PLCB4: variants seen among roughly 807,000 people sequenced by gnomAD.
PLCB4 encodes the protein 1-phosphatidylinositol 4,5-bisphosphate phosphodiesterase beta-4.
A neutral mutation model predicts 178.8 loss-of-function variants in PLCB4; 77 were observed. The ratio of observed to expected loss-of-function variants is 0.43; its 90% CI spans 0.36 to 0.52. The LOEUF is 0.52. Among genes scored for constraint, PLCB4 ranks in the 20% least tolerant of loss-of-function variants. PLCB4 has a pLI of 0.00. For missense variants in PLCB4, 1,024 were observed against 1,453.4 expected, an observed-to-expected ratio of 0.70 and a Z score of 4.80; for synonymous variants, 496 against 490.8, an observed-to-expected ratio of 1.01 and a Z score of -0.14.
At chr20:9,372,170 C>A in intron 10 of PLCB4, 133 bp from the exon 11 acceptor site, 1 of 587,828 alleles carries the variant, frequency 1.7e-6, no homozygotes, top group Non-Finnish European at 3.1e-6. Flanking sequence ...GGCCTCCTGG[C>A]TTCTGTCAGC....
At chr20:9,239,452 T>C (rs1601376626) in intron 3 of PLCB4, among the ~76,000 whole-genome samples, 1 of 152,260 alleles carries the variant, frequency 6.6e-6, no homozygotes, top group East Asian at 1.9e-4. Flanking sequence ...CAAAGACAGA[T>C]TAGCAAGAGA....
chr20:9,090,171 G>A (rs932598807), intron 1 of PLCB4, among the ~76,000 whole-genome samples: 19 of 151,556 alleles, frequency 1.3e-4, no homozygotes, highest in Non-Finnish European at 2.5e-4. Flanking sequence ...AAAAATAACT[G>A]TATAGGAGAA....
At chr20:9,079,231 G>A (rs2090026843) in intron 1 of PLCB4, among the ~76,000 whole-genome samples, 1 of 152,196 alleles carries the variant, frequency 6.6e-6, no homozygotes, top group Non-Finnish European at 1.5e-5. Context: ...TCAGGGCCCT[G>A]CTGGGGAACA....
intron 7 of PLCB4, among the ~76,000 whole-genome samples, chr20:9,358,143 A>C (rs1474730512): frequency 6.6e-6 from 1 of 152,246 alleles, no homozygotes; most frequent in Non-Finnish European, 1.5e-5. Flanking sequence ...GGGAAGGCTG[A>C]TTAAAACGTG....
At chr20:9,365,356 A>G in intron 8 of PLCB4, 105 bp from the exon 9 acceptor site, 1 of 700,838 alleles carries the variant, frequency 1.4e-6, no homozygotes. Flanking sequence ...GATTTTCAGA[A>G]CCAATGTTCT....
At chr20:9,377,365 T>C (rs1355028709) in intron 12 of PLCB4, among the ~76,000 whole-genome samples, 1 of 152,182 alleles carries the variant, frequency 6.6e-6, no homozygotes, top group Admixed American at 6.5e-5. Flanking sequence ...CTCACTGTGC[T>C]TGTGTCTCTG....
At chr20:9,421,653 C>T (rs746818875) in intron 27 of PLCB4, among the ~76,000 whole-genome samples, 192 bp downstream of exon 27, 1 of 152,156 alleles carries the variant, frequency 6.6e-6, no homozygotes, top group Non-Finnish European at 1.5e-5. Context: ...TGGTTCTCCT[C>T]TCCTCCTTGG....
chr20:9,397,243 C>A (rs2038663853), intron 19 of PLCB4, among the ~76,000 whole-genome samples: 1 of 152,200 alleles, frequency 6.6e-6, no homozygotes, highest in South Asian at 2.1e-4. Context: ...TCACAAGAAA[C>A]AACTCCTCAT....
At chr20:9,098,340 A>C (rs553245982) in intron 2 of PLCB4, among the ~76,000 whole-genome samples, 1 of 152,300 alleles carries the variant, frequency 6.6e-6, no homozygotes, top group Non-Finnish European at 1.5e-5. Context: ...ACTGCAGCAT[A>C]AATCATCTGC....
chr20:9,387,619 A>G, intron 15 of PLCB4, 63 bp downstream of exon 15: 1 of 718,370 alleles, frequency 1.4e-6, no homozygotes, highest in Non-Finnish European at 2.4e-6. Flanking sequence ...AAATAGGGAG[A>G]TGGAGAAGAG....
chr20:9,308,094 G>A (rs190085659), intron 4 of PLCB4, among the ~76,000 whole-genome samples, 196 bp downstream of exon 4: 1 of 152,116 alleles, frequency 6.6e-6, no homozygotes, highest in African/African-American at 2.4e-5. Flanking sequence ...CGCTCACTAT[G>A]TGCCAGATGA....
chr20:9,432,408 T>C (rs2041483937), intron 28 of PLCB4, among the ~76,000 whole-genome samples: 1 of 152,226 alleles, frequency 6.6e-6, no homozygotes, highest in Non-Finnish European at 1.5e-5. Flanking sequence ...GATTATATGT[T>C]ATTAAAAATT....
At chr20:9,360,343 G>A (rs2035213140) in intron 7 of PLCB4, among the ~76,000 whole-genome samples, 1 of 152,132 alleles carries the variant, frequency 6.6e-6, no homozygotes, top group Admixed American at 6.6e-5. Context: ...CCTTGCCAGC[G>A]TTGTATGTTC....
intron 12 of PLCB4, among the ~76,000 whole-genome samples, chr20:9,374,515 A>G (rs2036513153): frequency 2.0e-5 from 3 of 151,986 alleles, no homozygotes; most frequent in Non-Finnish European, 4.4e-5. Flanking sequence ...TTCAGTGATC[A>G]TCTTAGGTTT....
chr20:9,072,440 A>G (rs888253143), intron 1 of PLCB4, among the ~76,000 whole-genome samples: 1 of 151,996 alleles, frequency 6.6e-6, no homozygotes, highest in African/African-American at 2.4e-5. Flanking sequence ...AAGGTTTTAC[A>G]TGTTCCTAGG....
chr20:9,128,370 T>C (rs1294653684), intron 2 of PLCB4, among the ~76,000 whole-genome samples: 1 of 152,186 alleles, frequency 6.6e-6, no homozygotes, highest in Non-Finnish European at 1.5e-5. Context: ...ACTTCAGGCA[T>C]TTCTTTGTAG....
At chr20:9,330,105 G>A (rs1202795932) in intron 4 of PLCB4, among the ~76,000 whole-genome samples, 1 of 152,144 alleles carries the variant, frequency 6.6e-6, no homozygotes, top group Admixed American at 6.5e-5. Flanking sequence ...AATAAGGAGA[G>A]GAAATAAATA....
intron 3 of PLCB4, among the ~76,000 whole-genome samples, chr20:9,268,159 A>G (rs892886081): frequency 6.6e-6 from 1 of 152,206 alleles, no homozygotes; most frequent in Non-Finnish European, 1.5e-5. Flanking sequence ...TTAATTCAGT[A>G]AAGACTTTTT....
At chr20:9,146,088 T>C (rs544480693) in intron 2 of PLCB4, among the ~76,000 whole-genome samples, 1 of 152,230 alleles carries the variant, frequency 6.6e-6, no homozygotes, top group African/African-American at 2.4e-5. Context: ...TGTCAAAAGA[T>C]GGTGGATATT....
Sources: allele counts gnomAD v4.1 joint callset (sites outside exome capture counted in the v4.1 genomes callset), GRCh38; gene constraint gnomAD v4.1.1; transcripts MANE v1.5; gene names NCBI Gene and HGNC (gene_info 2026-07-23, HGNC 2026-07-21).